GALNT8: variants seen among roughly 807,000 people sequenced by gnomAD.
GALNT8 encodes the protein polypeptide N-acetylgalactosaminyltransferase 8, also known as probable polypeptide N-acetylgalactosaminyltransferase 8.
In GALNT8, 66 loss-of-function variants were observed where a neutral mutation model predicts 62.7. The observed-to-expected ratio is 1.05, with a 90% CI of 0.86 to 1.29. GALNT8 has a LOEUF of 1.29. Among genes scored for constraint, GALNT8 ranks in the 50% most tolerant of loss-of-function variants. GALNT8 has a pLI of 0.00. For synonymous variants in GALNT8, 288 were observed against 294.3 expected, an observed-to-expected ratio of 0.98 and a Z score of 0.22; for missense variants, 771 against 791.8, an observed-to-expected ratio of 0.97 and a Z score of 0.32.
chr12:4,766,029 C>A (rs138793720), intron 10 of GALNT8, among the ~76,000 whole-genome samples: 372 of 152,298 alleles, frequency 2.4e-3, no homozygotes, highest in African/African-American at 8.7e-3. Flanking sequence ...ACTCAGCCTC[C>A]CAAAGCGCTG....
Position 4,726,630 on chromosome 12 carries a change from A to G in GALNT8, c.310A>G (p.Thr104Ala), listed in dbSNP as rs1446192993. The change falls in exon 2 of 11, where the codon ACC becomes GCC. Residue 104 changes from threonine (T) to alanine (A), a missense_variant. Physicochemically the swap from Thr to Ala is moderately conservative, Grantham distance 58. Transcript: ENST00000252318. The surrounding 1 kb of genome is among the most constrained non-coding windows in gnomAD (Gnocchi z 4.1). ...EVRPLLKAME[T>A]KVNETKKHKT... ...ACGCCCTCTTCTAAAGGCAATGGAA[A>G]CCAAGGTGAATGAGACAAAGAAGCA... is the stretch of plus-strand genomic sequence containing the variant. 3 of 1,613,786 alleles carry G rather than the reference A, an allele frequency of 1.9e-6. No individual in the cohort carries two copies. In the East Asian group the frequency reaches 6.7e-5, roughly 36 times the overall value.
intron 2 of GALNT8, among the ~76,000 whole-genome samples, chr12:4,735,135 T>C (rs918089307): frequency 2.6e-5 from 4 of 152,232 alleles, no homozygotes; most frequent in Non-Finnish European, 5.9e-5. Context: ...AAAAAATGTG[T>C]GGATTGAGGC....
chr12:4,734,879 A>G (rs1239517327), intron 2 of GALNT8, among the ~76,000 whole-genome samples: 1 of 152,130 alleles, frequency 6.6e-6, no homozygotes, highest in Non-Finnish European at 1.5e-5. Context: ...GCTTTTGCCT[A>G]AAATTCCCTT....
At chr12:4,722,182 T>C (rs1268715941) in intron 1 of GALNT8, among the ~76,000 whole-genome samples, 3 of 152,172 alleles carry the variant, frequency 2.0e-5, no homozygotes, top group African/African-American at 7.2e-5. Context: ...CAATCTGATC[T>C]CTCTTTCCTT....
chr12:4,721,009 T>C (rs1425222280), intron 1 of GALNT8, 121 bp downstream of exon 1: 10 of 660,422 alleles, frequency 1.5e-5, no homozygotes, highest in Admixed American at 1.4e-4. Context: ...CAGTCGCTCA[T>C]TGAAGCATCT....
intron 1 of GALNT8, among the ~76,000 whole-genome samples, chr12:4,725,195 CTAAAATGGTTACTTT>C (rs1465733368): frequency 6.6e-6 from 1 of 152,162 alleles, no homozygotes; most frequent in African/African-American, 2.4e-5. Flanking sequence ...TCACTAAACA[CTAAAATGGTTACTTT>C]TTCTCTCTTT....
chr12:4,739,220 C>T lies in GALNT8; in HGVS notation c.567C>T (p.Phe189=), dbSNP rs749879447. The change falls in exon 3 of 11, where the codon TTC becomes TTT. Residue 189 remains phenylalanine (F), a synonymous_variant. Coordinates refer to ENST00000252318, the MANE Select transcript of GALNT8 (RefSeq NM_017417.2). ...QLPSLSVILI[F]VNEALSIIQR... ...CATCCCTCAGTGTCATTCTCATATTCGTGAATGAAGCTCTGTCCATTATAC... is the reference window on the plus strand; with the variant it reads ...CATCCCTCAGTGTCATTCTCATATTTGTGAATGAAGCTCTGTCCATTATAC... The T allele has an allele frequency of 5.5e-5, 88 of 1,609,546 alleles. No individual in the cohort carries two copies. Among genetic ancestry groups the T allele is most frequent in the East Asian group, 2.9e-4 (13 of 44,878 alleles).
At chr12:4,733,172 T>C (rs879698439) in intron 2 of GALNT8, among the ~76,000 whole-genome samples, 13 of 152,260 alleles carry the variant, frequency 8.5e-5, no homozygotes, top group Non-Finnish European at 1.8e-4. Flanking sequence ...ATTTAGGTTT[T>C]GGTTACATTA....
In GALNT8 at chr12:4,745,729, G is replaced by T. The variant is rs74056122; in HGVS notation, c.1058+103G>T. The T allele has an allele frequency of 1.3e-4, 106 of 837,210 alleles. 1 individual carries two copies. The African/African-American group carries it at 1.7e-3, about 14-fold the overall frequency. The allele number at this position is 837,210 out of a possible 1,614,324, so 51.9% of individuals were successfully genotyped here. On this transcript the variant is annotated intron_variant, in intron 5 of 10. Transcript: ENST00000252318. Reference sequence around the variant, plus strand: ...TGGTGGTAGTAATTGGGGTGACGTGGAAGGAGGGGAGGGGATGAGGTGAAG... The same window carrying T: ...TGGTGGTAGTAATTGGGGTGACGTGTAAGGAGGGGAGGGGATGAGGTGAAG...
intron 1 of GALNT8, among the ~76,000 whole-genome samples, chr12:4,724,826 C>T (rs1056938411): frequency 6.6e-6 from 1 of 152,176 alleles, no homozygotes; most frequent in Non-Finnish European, 1.5e-5. Context: ...CAAACATGTT[C>T]TCCTCCCAGT....
chr12:4,731,783 A>G (rs1946223072), intron 2 of GALNT8, among the ~76,000 whole-genome samples: 2 of 152,180 alleles, frequency 1.3e-5, no homozygotes, highest in Admixed American at 1.3e-4. Context: ...GGTTTATTAC[A>G]TATAGAGATT....
intron 2 of GALNT8, among the ~76,000 whole-genome samples, chr12:4,736,007 A>G (rs1946242913): frequency 1.3e-5 from 2 of 152,220 alleles, no homozygotes; most frequent in Non-Finnish European, 2.9e-5. Context: ...CCATAATACT[A>G]GTAGCAACAA....
chr12:4,740,181 G>A (rs1271199637), intron 3 of GALNT8, among the ~76,000 whole-genome samples: 1 of 152,138 alleles, frequency 6.6e-6, no homozygotes, highest in Non-Finnish European at 1.5e-5. Context: ...CCCGAGTCTA[G>A]CCCACCCAAG....
chr12:4,750,248 T>G (rs1255094553), intron 6 of GALNT8, among the ~76,000 whole-genome samples: 1 of 152,104 alleles, frequency 6.6e-6, no homozygotes. Context: ...TAAACTTGTG[T>G]CATGGTGGCT....
chr12:4,739,462 A>G (rs951145813), intron 3 of GALNT8, 133 bp downstream of exon 3: 2 of 650,048 alleles, frequency 3.1e-6, no homozygotes, highest in Non-Finnish European at 5.3e-6. Context: ...ATCATTTGTT[A>G]AGGGTCTATT....
chr12:4,765,363 T>C lies in GALNT8; in HGVS notation c.1594-16T>C, dbSNP rs1946394543. 1.4e-6 allele frequency: 2 copies of C among 1,434,968 alleles called. No individual in the cohort carries two copies. Among genetic ancestry groups the C allele is most frequent in the East Asian group, 2.5e-5 (1 of 39,470 alleles). 88.9% of individuals were successfully genotyped at this position (1,434,968 alleles called of 1,614,324 possible). On this transcript the variant is annotated splice_polypyrimidine_tract_variant and intron_variant, in intron 9 of 10. Coordinates refer to ENST00000252318, the MANE Select transcript of GALNT8 (RefSeq NM_017417.2). ...TGGTGAGCCCTCTGCTTTTTTTTTT[T>C]TTTTTTTTTTTTTAGAATGTCTACT...
chr12:4,754,873 G>A (rs139003625), intron 6 of GALNT8, among the ~76,000 whole-genome samples: 1 of 152,314 alleles, frequency 6.6e-6, no homozygotes, highest in East Asian at 1.9e-4. Context: ...GGCCCAGGGT[G>A]TGTTTAGAAA....
chr12:4,760,560 G>T (rs1033779016), intron 6 of GALNT8, among the ~76,000 whole-genome samples: 1 of 152,208 alleles, frequency 6.6e-6, no homozygotes, highest in Non-Finnish European at 1.5e-5. Context: ...TTTGGCGTCT[G>T]TCTGCCACAT....
intron 3 of GALNT8, among the ~76,000 whole-genome samples, chr12:4,742,203 T>C (rs1324282089): frequency 6.6e-6 from 1 of 152,202 alleles, no homozygotes; most frequent in Non-Finnish European, 1.5e-5. Context: ...CTCACCTATC[T>C]CAGTGTTATT....
Sources: gnomAD v4.1 joint callset for allele counts (sites outside exome capture counted in the v4.1 genomes callset) on GRCh38, gnomAD v4.1.1 for gene constraint, Gnocchi (gnomAD v3.1) non-coding constraint, MANE v1.5 for transcripts, NCBI Gene and HGNC (gene_info 2026-07-23, HGNC 2026-07-21) for gene names.